Variants in LTF observed in about 807,000 individuals in gnomAD.
LTF encodes lactotransferrin.
Under a neutral mutation model 87.2 loss-of-function variants are expected in LTF, and 91 were observed. The ratio of observed to expected loss-of-function variants is 1.04; its 90% CI spans 0.88 to 1.24. The LOEUF is 1.24. Among genes scored for constraint, LTF ranks in the 50% most tolerant of loss-of-function variants. The pLI, the probability that LTF is intolerant of heterozygous loss-of-function variation, is 0.00. For missense variants in LTF, 901 were observed against 904.3 expected (o/e 1.00, Z 0.05); for synonymous variants, 378 against 356.1 (o/e 1.06, Z -0.69).
intron 2 of LTF, among the ~76,000 whole-genome samples, chr3:46,459,263 C>T (rs748134527): frequency 6.6e-6 from 1 of 152,240 alleles, no homozygotes; most frequent in Non-Finnish European, 1.5e-5. Flanking sequence ...GATGTGGCAA[C>T]GGTGACCAGG....
At chr3:46,437,563 T>A (rs2106822652) in intron 16 of LTF, among the ~76,000 whole-genome samples, 1 of 152,262 alleles carries the variant, frequency 6.6e-6, no homozygotes, top group South Asian at 2.1e-4. Context: ...GCTCAAGCCA[T>A]CCTCCCACCT....
At position 46,459,766 on chromosome 3, in the gene LTF, G is replaced by A. The variant is rs762512325; in HGVS notation, c.97C>T (p.Pro33Ser). ...RSVQWCAVSQ[P>S]EATKCFQWQR... ...CATTGGAAGCATTTTGTGGCCTCGGGTTGGGATACGGCGCACCACTGAACA... is the reference window on the plus strand; with the variant it reads ...CATTGGAAGCATTTTGTGGCCTCGGATTGGGATACGGCGCACCACTGAACA... The change falls in exon 2 of 17, where the codon CCC becomes TCC. Residue 33 changes from proline (P) to serine (S), a missense_variant. By Grantham distance (74) the Pro-to-Ser change is moderately conservative (BLOSUM62 -1). Transcript: ENST00000231751. 1.9e-6 allele frequency: 3 copies of A among 1,549,800 alleles called. No homozygotes were observed. Among genetic ancestry groups the A allele is most frequent in the Middle Eastern group, 1.7e-4 (1 of 5,856 alleles).
At chr3:46,466,643 TA>T (rs1703219521), upstream of LTF, among the ~76,000 whole-genome samples, 1 of 152,240 alleles carries the variant, frequency 6.6e-6, no homozygotes, top group South Asian at 2.1e-4. Context: ...GATTTGGTGC[TA>T]GAATCACCAG....
chr3:46,474,875 A>G (rs545479821), intron 1 of LTF, among the ~76,000 whole-genome samples: 2 of 152,342 alleles, frequency 1.3e-5, no homozygotes, highest in Admixed American at 1.3e-4. Flanking sequence ...GGAAACCTCA[A>G]GTAAAACTTT....
chr3:46,439,549 G>T, intron 14 of LTF, 69 bp from the exon 15 acceptor site: 4 of 1,410,130 alleles, frequency 2.8e-6, no homozygotes, highest in Admixed American at 2.3e-5. Flanking sequence ...TTCTGGGTGG[G>T]TGTGGCCATT....
intron 1 of LTF, among the ~76,000 whole-genome samples, chr3:46,480,789 C>T (rs6791941): frequency 0.12 from 18,746 of 152,162 alleles, 1,709 homozygotes; most frequent in East Asian, 0.38. Flanking sequence ...GAGACTAGAT[C>T]TGAGCAGTGA....
chr3:46,454,236 CA>C (rs5848797), intron 6 of LTF, 68 bp downstream of exon 6: 254,169 of 1,392,148 alleles, frequency 0.18, 25,486 homozygotes, highest in African/African-American at 0.37. Context: ...CTAATTAGCT[CA>C]AAGGTCAGAG....
At chr3:46,476,186 A>T (rs911178651) in intron 1 of LTF, among the ~76,000 whole-genome samples, 1 of 152,188 alleles carries the variant, frequency 6.6e-6, no homozygotes, top group Non-Finnish European at 1.5e-5. Flanking sequence ...GTGATTTTGC[A>T]CTAGATGGGA....
chr3:46,448,166 C>T (rs187687064), intron 9 of LTF, among the ~76,000 whole-genome samples: 1 of 152,030 alleles, frequency 6.6e-6, no homozygotes, highest in African/African-American at 2.4e-5. Flanking sequence ...GAGTTCGAGA[C>T]GAGCCTGGGC....
upstream of LTF, chr3:46,465,103 G>T (rs568516885): frequency 3.5e-6 from 2 of 571,576 alleles, no homozygotes; most frequent in South Asian, 2.1e-5. Flanking sequence ...CACCTGTCCT[G>T]GTTCTGCCTG....
upstream of LTF, among the ~76,000 whole-genome samples, chr3:46,467,976 C>T (rs1295240873): frequency 1.3e-5 from 2 of 152,210 alleles, no homozygotes; most frequent in African/African-American, 2.4e-5. Context: ...GTCCCTCCAA[C>T]CCTGAACCTT....
At position 46,442,523 on chromosome 3, in the gene LTF, G is replaced by T. The variant is rs542609032; in HGVS notation, c.1655+918C>A. 2.3e-4 allele frequency among the ~76,000 whole-genome samples: 35 copies of T among 151,368 alleles called. 1 individual carries two copies. The South Asian group carries it at 7.1e-3, about 31-fold the overall frequency. On this transcript the variant is annotated intron_variant, in intron 13 of 16. Coordinates refer to ENST00000231751, the MANE Select transcript of LTF (RefSeq NM_002343.6). ...GAAAAAAAAAAAAAGAGGAGCACAT[G>T]CTTCTTTCGGGCTCTTATGAGACAT...
chr3:46,455,335 A>G lies in LTF; in HGVS notation c.607T>C (p.Ser203Pro). 6.2e-7 allele frequency: 1 copy of G among 1,614,222 alleles called. No individual in the cohort carries two copies. The highest frequency in any genetic ancestry group is 8.5e-7 in the Non-Finnish European group (1 of 1,180,034). ...AGTGENKCAF[S>P]SQEPYFSYSG... Reference sequence around the variant, plus strand: ...TAGCTGAAGTACGGTTCCTGGGAGGAGAAGGCACATTTGTTTTCCCCTGTC... The same window carrying G: ...TAGCTGAAGTACGGTTCCTGGGAGGGGAAGGCACATTTGTTTTCCCCTGTC... The change falls in exon 5 of 17, where the codon TCC becomes CCC. Residue 203 changes from serine to proline, a missense_variant. By Grantham distance (74) the Ser-to-Pro change is moderately conservative. Coordinates refer to ENST00000231751, the MANE Select transcript of LTF (RefSeq NM_002343.6).
intron 1 of LTF, among the ~76,000 whole-genome samples, chr3:46,482,546 AAG>A (rs1703448516): frequency 9.8e-6 from 1 of 101,546 alleles, no homozygotes; most frequent in Non-Finnish European, 2.0e-5. Flanking sequence ...AAGGGAAGGG[AAG>A]GGAAGGGAAG....
rs769603626 is a variant in LTF at position 46,443,634 on chromosome 3, G to A, written c.1514-52C>T. ...GCTCTTCAAACCTGAGTCCACACAA[G>A]CAACCTTTACCTAACAGCCGATGCA... On this transcript the variant is annotated intron_variant, in intron 12 of 16. Coordinates refer to ENST00000231751, the MANE Select transcript of LTF (RefSeq NM_002343.6). 3.7e-6 allele frequency: 6 copies of A among 1,600,754 alleles called. No homozygotes were observed. The Admixed American group carries it at 1.0e-4, about 27-fold the overall frequency.
intron 11 of LTF, among the ~76,000 whole-genome samples, chr3:46,446,226 T>C (rs1207119443): frequency 1.3e-5 from 2 of 152,176 alleles, no homozygotes; most frequent in African/African-American, 4.8e-5. Flanking sequence ...AATGAGGGAC[T>C]ATATGGATGT....
At chr3:46,462,789 G>A (rs990792832) in intron 1 of LTF, among the ~76,000 whole-genome samples, 2 of 152,152 alleles carry the variant, frequency 1.3e-5, no homozygotes, top group African/African-American at 2.4e-5. Context: ...ACAGCACTGA[G>A]AACAGAGAAG....
chr3:46,451,503 T>C (rs1702800435), intron 6 of LTF, among the ~76,000 whole-genome samples: 1 of 152,240 alleles, frequency 6.6e-6, no homozygotes, highest in South Asian at 2.1e-4. Context: ...TTCATCTTAA[T>C]AGATGCAGAA....
At chr3:46,441,217 G>A (rs1702508521) in intron 14 of LTF, among the ~76,000 whole-genome samples, 199 bp downstream of exon 14, 1 of 152,064 alleles carries the variant, frequency 6.6e-6, no homozygotes, top group Non-Finnish European at 1.5e-5. Flanking sequence ...GAGTGTGTGT[G>A]TATGAATTTC....
Sources: allele counts gnomAD v4.1 joint callset (sites outside exome capture counted in the v4.1 genomes callset), GRCh38; gene constraint gnomAD v4.1.1; transcripts MANE v1.5; gene names NCBI Gene and HGNC (gene_info 2026-07-23, HGNC 2026-07-21).